Variants in CHN1 observed in about 807,000 individuals in gnomAD.
The protein encoded by CHN1 is N-chimaerin.
A neutral mutation model predicts 59.5 loss-of-function variants in CHN1; 37 were observed. The ratio of observed to expected loss-of-function variants is 0.62; its 90% CI spans 0.48 to 0.82. The LOEUF (loss-of-function observed/expected upper bound fraction) is 0.82, where lower values mean the gene tolerates loss of function less well. CHN1 is among the 40% of genes least tolerant of loss of function. CHN1 has a pLI of 0.00. For synonymous variants in CHN1, 206 were observed against 200.4 expected, an observed-to-expected ratio of 1.03 and a Z score of -0.24; for missense variants, 469 against 571.0, an observed-to-expected ratio of 0.82 and a Z score of 1.82.
intron 7 of CHN1, among the ~76,000 whole-genome samples, chr2:174,845,264 C>A (rs1463384764): frequency 6.6e-6 from 1 of 152,118 alleles, no homozygotes; most frequent in African/African-American, 2.4e-5. Context: ...CAGAGTACAT[C>A]TTTGGAGATA....
chr2:174,998,678 C>A (rs1278736174), intron 1 of CHN1, among the ~76,000 whole-genome samples: 3 of 152,200 alleles, frequency 2.0e-5, no homozygotes, highest in African/African-American at 7.2e-5. Context: ...CACATTCTCT[C>A]AACTGTGGGT....
intron 1 of CHN1, among the ~76,000 whole-genome samples, chr2:174,993,553 A>G (rs1031675003): frequency 1.3e-5 from 2 of 152,036 alleles, no homozygotes; most frequent in Non-Finnish European, 2.9e-5. Flanking sequence ...TTCTCTTTCA[A>G]TAAGTCCTTG....
chr2:174,891,019 T>C (rs1365334672), intron 5 of CHN1, among the ~76,000 whole-genome samples: 1 of 150,280 alleles, frequency 6.7e-6, no homozygotes, highest in African/African-American at 2.4e-5. Context: ...TGGGCGCCTG[T>C]GGTCCCAGCT....
At chr2:174,824,352 TG>T in intron 8 of CHN1, 81 bp downstream of exon 8, 1 of 1,024,818 alleles carries the variant, frequency 9.8e-7, no homozygotes, top group Non-Finnish European at 1.4e-6. Flanking sequence ...CTACTGGATA[TG>T]CATAACAACA....
intron 11 of CHN1, among the ~76,000 whole-genome samples, chr2:174,806,639 A>C (rs1363739068): frequency 6.6e-6 from 1 of 152,140 alleles, no homozygotes; most frequent in African/African-American, 2.4e-5. Flanking sequence ...CTAGTGAGCA[A>C]TGTGATCTTA....
At chr2:174,910,452 T>C (rs747273283) in intron 5 of CHN1, among the ~76,000 whole-genome samples, 22 of 152,108 alleles carry the variant, frequency 1.4e-4, no homozygotes, top group Admixed American at 5.2e-4. Flanking sequence ...TACTCTGCAA[T>C]ACATGGATGA....
rs1687067791 is a variant in CHN1, at chr2:174,861,537, AT to A, written c.550-14581del. Among the ~76,000 whole-genome samples, 3 of 152,348 alleles carry A rather than the reference AT, an allele frequency of 2.0e-5. No homozygotes were observed. The South Asian group carries it at 6.2e-4, about 32-fold the overall frequency. Reference sequence around the variant, plus strand: ...CCCTTATACTGTCAGAATAGATTTAATACAAAGAAATGTATAAATGTTTTGT... The same window carrying A: ...CCCTTATACTGTCAGAATAGATTTAAACAAAGAAATGTATAAATGTTTTGT... On this transcript the variant is annotated intron_variant, in intron 6 of 12. Coordinates refer to ENST00000409900, the MANE Select transcript of CHN1 (RefSeq NM_001822.7).
At chr2:174,916,712 T>C (rs1300124432) in intron 4 of CHN1, among the ~76,000 whole-genome samples, 1 of 152,202 alleles carries the variant, frequency 6.6e-6, no homozygotes, top group African/African-American at 2.4e-5. Context: ...AATGGGCTCC[T>C]GAATTTCTTA....
At chr2:174,912,855 A>G (rs537188852) in intron 5 of CHN1, among the ~76,000 whole-genome samples, 1 of 152,212 alleles carries the variant, frequency 6.6e-6, no homozygotes, top group Admixed American at 6.5e-5. Flanking sequence ...TTTACTCACT[A>G]TTTTTTCTTT....
chr2:174,939,399 CTG>C (rs761616950), intron 3 of CHN1, among the ~76,000 whole-genome samples: 1 of 152,184 alleles, frequency 6.6e-6, no homozygotes, highest in Non-Finnish European at 1.5e-5. Flanking sequence ...TACTTTATAA[CTG>C]TGAAACACTT....
chr2:174,910,899 CAAAAAAAAAAAA>C (rs10568066), intron 5 of CHN1, among the ~76,000 whole-genome samples: 7 of 76,636 alleles, frequency 9.1e-5, no homozygotes, highest in African/African-American at 2.0e-4. Context: ...GACTCCGTCT[CAAAAAAAAAAAA>C]AAAAAAAAAA....
intron 7 of CHN1, among the ~76,000 whole-genome samples, chr2:174,830,226 C>CT (rs1266176424): frequency 2.0e-5 from 3 of 149,628 alleles, no homozygotes; most frequent in Non-Finnish European, 4.4e-5. Context: ...GAGCAAGACT[C>CT]TGTCTCAAAA....
intron 5 of CHN1, among the ~76,000 whole-genome samples, chr2:174,892,911 C>T (rs1688097284): frequency 6.6e-6 from 1 of 152,024 alleles, no homozygotes; most frequent in South Asian, 2.1e-4. Context: ...AATTCAGCAC[C>T]CTTGCATTTA....
At chr2:174,911,494 G>C (rs780309603) in intron 5 of CHN1, among the ~76,000 whole-genome samples, 60 of 152,238 alleles carry the variant, frequency 3.9e-4, no homozygotes, top group Non-Finnish European at 6.0e-4. Context: ...AACTTTCACT[G>C]AGTAAAAATC....
intron 3 of CHN1, among the ~76,000 whole-genome samples, chr2:174,942,867 T>C (rs1194109212): frequency 6.6e-6 from 1 of 152,056 alleles, no homozygotes; most frequent in Non-Finnish European, 1.5e-5. Flanking sequence ...TTGGGCAACA[T>C]GGCGAAACCC....
At chr2:174,896,459 C>T (rs1286270865) in intron 5 of CHN1, among the ~76,000 whole-genome samples, 1 of 152,106 alleles carries the variant, frequency 6.6e-6, no homozygotes, top group Non-Finnish European at 1.5e-5. Context: ...TTCTAAAAAG[C>T]ATATGGTGAC....
intron 3 of CHN1, among the ~76,000 whole-genome samples, chr2:174,932,343 G>C (rs1266515183): frequency 1.3e-5 from 2 of 152,186 alleles, no homozygotes; most frequent in Non-Finnish European, 2.9e-5. Context: ...GTTTTTATCT[G>C]AATGCAAGCA....
intron 7 of CHN1, among the ~76,000 whole-genome samples, chr2:174,844,284 A>C (rs1686424417): frequency 1.3e-5 from 2 of 151,990 alleles, no homozygotes; most frequent in African/African-American, 4.8e-5. Context: ...CCCAAACCCC[A>C]AAAACAAACG....
At chr2:174,981,987 CT>C (rs1454591756) in intron 1 of CHN1, among the ~76,000 whole-genome samples, 2 of 152,278 alleles carry the variant, frequency 1.3e-5, no homozygotes, top group Non-Finnish European at 2.9e-5. Context: ...TGATGTTCCC[CT>C]TCCTGTGTCC....
Sources: gnomAD v4.1 joint callset for allele counts (sites outside exome capture counted in the v4.1 genomes callset) on GRCh38, gnomAD v4.1.1 for gene constraint, MANE v1.5 for transcripts, NCBI Gene and HGNC (gene_info 2026-07-23, HGNC 2026-07-21) for gene names.